KNTC1: variants seen among roughly 807,000 people sequenced by gnomAD.
KNTC1 encodes the protein kinetochore associated 1.
KNTC1 carries 253 observed loss-of-function variants against 314.4 expected under a neutral mutation model. The observed-to-expected ratio is 0.80, with a 90% CI of 0.73 to 0.89. The LOEUF is 0.89. KNTC1 is among the 40% of genes least tolerant of loss of function. The pLI is 0.00. For synonymous variants in KNTC1, 901 were observed against 901.4 expected (o/e 1.00, Z 0.01); for missense variants, 2,475 against 2,572.9 (o/e 0.96, Z 0.82).
chr12:122,564,450 G>A (rs1047691267), intron 20 of KNTC1, among the ~76,000 whole-genome samples: 2 of 151,862 alleles, frequency 1.3e-5, no homozygotes, highest in Middle Eastern at 3.4e-3. Context: ...GAGAACCCAC[G>A]CTCCATTCTA....
intron 2 of KNTC1, among the ~76,000 whole-genome samples, chr12:122,532,451 C>A (rs190738880): frequency 2.0e-5 from 3 of 152,136 alleles, no homozygotes; most frequent in East Asian, 3.9e-4. Context: ...TTGTGATCCA[C>A]CCACCTCGGC....
In KNTC1 at chr12:122,615,544, A is replaced by G; in HGVS notation, c.6030+18A>G. Reference sequence around the variant, plus strand: ...TATGGCAGGTATGTAGTTTTTTAAAATAAATTTTATTGAATTTAGTCTTTA... The same window carrying G: ...TATGGCAGGTATGTAGTTTTTTAAAGTAAATTTTATTGAATTTAGTCTTTA... On this transcript the variant is annotated intron_variant, in intron 57 of 63. Coordinates refer to ENST00000333479, the MANE Select transcript of KNTC1 (RefSeq NM_014708.6). 1 of 1,507,712 alleles carries G rather than the reference A, an allele frequency of 6.6e-7. No homozygotes were observed. The highest frequency in any genetic ancestry group is 8.9e-7 in the Non-Finnish European group (1 of 1,120,814). 93.4% of individuals were successfully genotyped at this position (1,507,712 alleles called of 1,614,324 possible). A position where few individuals can be genotyped will look rare whatever the true frequency, so the allele number is the denominator to read the frequency against.
intron 44 of KNTC1, among the ~76,000 whole-genome samples, chr12:122,598,175 A>G (rs1871318986): frequency 6.6e-6 from 1 of 152,174 alleles, no homozygotes. Context: ...TTGAATTTAT[A>G]TGAGCTAGAG....
intron 59 of KNTC1, among the ~76,000 whole-genome samples, chr12:122,619,698 C>G (rs1485975228): frequency 6.6e-6 from 1 of 152,110 alleles, no homozygotes; most frequent in Non-Finnish European, 1.5e-5. Context: ...AGGCTTCAGC[C>G]ACCGCGCCCG....
rs748143502 is a variant in KNTC1 at position 122,618,362 on chromosome 12, C to T, written c.6050C>T (p.Ala2017Val). Residue 2017 changes from alanine (A) to valine (V), a missense_variant, in exon 58 of 64, where the codon GCG becomes GTG. By Grantham distance (64) the Ala-to-Val change is moderately conservative (BLOSUM62 0). Coordinates refer to ENST00000333479, the MANE Select transcript of KNTC1 (RefSeq NM_014708.6). Reference protein sequence around the residue: ...SLWQVPYFSKAWQRVIQIPLL... With the variant: ...SLWQVPYFSKVWQRVIQIPLL... ...TCACAGGTTCCCTACTTCAGCAAAG[C>T]GTGGCAGCGTGTGATACAGATACCA... 4 of 1,613,534 alleles carry T rather than the reference C, an allele frequency of 2.5e-6. No individual in the cohort carries two copies. Among genetic ancestry groups the T allele is most frequent in the Middle Eastern group, 1.6e-4 (1 of 6,084 alleles).
intron 16 of KNTC1, among the ~76,000 whole-genome samples, chr12:122,554,076 A>ATATATATATATATATATATATAT (rs1555224817): frequency 5.5e-5 from 6 of 109,046 alleles, no homozygotes; most frequent in South Asian, 3.2e-4. Flanking sequence ...AAAAAAAAAA[A>ATATATATATATATATATATATAT]ATATATATAT....
At position 122,610,878 on chromosome 12, in the gene KNTC1, T is replaced by C. The variant is rs1346903835; in HGVS notation, c.5600T>C (p.Val1867Ala). 2 of 1,612,914 alleles carry C rather than the reference T, an allele frequency of 1.2e-6. No homozygotes were observed. Among genetic ancestry groups the C allele is most frequent in the African/African-American group, 2.7e-5 (2 of 74,932 alleles). ...GATTATAGTTCAAGAATGCTGTTTG[T>C]ATTTGCAACATCAACTACAACCGTA... ...PIDYSSRMLF[V>A]FATSTTTTLG... Residue 1867 changes from valine (V) to alanine (A), a missense_variant, in exon 53 of 64, where the codon GTA (valine) becomes GCA (alanine). Physicochemically the swap from Val to Ala is moderately conservative, Grantham distance 64. Coordinates refer to ENST00000333479, the MANE Select transcript of KNTC1 (RefSeq NM_014708.6).
chr12:122,624,887 C>G (rs1874851838), intron 63 of KNTC1, 199 bp downstream of exon 63: 1 of 544,486 alleles, frequency 1.8e-6, no homozygotes, highest in South Asian at 1.7e-5. Flanking sequence ...AGCCCTGCCA[C>G]TGGGCAGCAA....
Position 122,527,258 on chromosome 12 carries a change from C to T in KNTC1, c.-167C>T, listed in dbSNP as rs1960729950. The T allele has an allele frequency of 7.6e-6, 2 of 263,760 alleles. No individual in the cohort carries two copies. The highest frequency in any genetic ancestry group is 2.2e-5 in the African/African-American group (1 of 44,480). The allele number at this position is 263,760 out of a possible 1,614,324, so 16.3% of individuals were successfully genotyped here. A position where few individuals can be genotyped will look rare whatever the true frequency, so the allele number is the denominator to read the frequency against. On this transcript the variant is annotated 5_prime_UTR_variant, in exon 1 of 64. Transcript: ENST00000333479. ...TTAGTGTTCTCCCGCCAATTTAAGC[C>T]TGTGGCATGGAACCTAAAGACTAGA...
At chr12:122,617,437 G>T (rs1261342199) in intron 57 of KNTC1, 1 of 448,150 alleles carries the variant, frequency 2.2e-6, no homozygotes, top group East Asian at 7.2e-5. Context: ...TGCCTAGGCT[G>T]GTCTTAGAAC....
chr12:122,621,051 A>G (rs923899952), intron 60 of KNTC1, among the ~76,000 whole-genome samples: 21 of 152,158 alleles, frequency 1.4e-4, no homozygotes, highest in African/African-American at 4.8e-4. Flanking sequence ...AGTACCCATG[A>G]TAGGGTCTGG....
intron 6 of KNTC1, 118 bp from the exon 7 acceptor site, chr12:122,543,482 T>C (rs1442343392): frequency 1.3e-6 from 1 of 766,334 alleles, no homozygotes; most frequent in African/African-American, 1.8e-5. Flanking sequence ...AAAACTTAAT[T>C]CTCACCAGTG....
intron 3 of KNTC1, among the ~76,000 whole-genome samples, chr12:122,536,749 C>G (rs1961871060): frequency 6.6e-6 from 1 of 151,938 alleles, no homozygotes; most frequent in Non-Finnish European, 1.5e-5. Context: ...AATTCCTGAC[C>G]TCAAATGATC....
chr12:122,557,276 G>A, intron 16 of KNTC1, 108 bp from the exon 17 acceptor site: 1 of 1,017,520 alleles, frequency 9.8e-7, no homozygotes, highest in South Asian at 1.6e-5. Context: ...AGCGCATGAG[G>A]ATTCACCTTT....
chr12:122,571,813 G>A (rs1220527929), intron 24 of KNTC1, among the ~76,000 whole-genome samples: 1 of 151,940 alleles, frequency 6.6e-6, no homozygotes, highest in East Asian at 1.9e-4. Flanking sequence ...GGGACTACAG[G>A]CACCCCCCAC....
chr12:122,600,347 C>A (rs1871688802), intron 44 of KNTC1, among the ~76,000 whole-genome samples: 1 of 152,190 alleles, frequency 6.6e-6, no homozygotes, highest in Non-Finnish European at 1.5e-5. Context: ...GATCCACCTG[C>A]CTTAGCCTCC....
chr12:122,604,168 CTTTT>C (rs1163057379), intron 48 of KNTC1, among the ~76,000 whole-genome samples: 3 of 100,360 alleles, frequency 3.0e-5, no homozygotes, highest in Non-Finnish European at 6.0e-5. Flanking sequence ...CCCCGGTGGG[CTTTT>C]TTTTTTTTTT....
intron 37 of KNTC1, among the ~76,000 whole-genome samples, chr12:122,586,225 G>A (rs1198635697): frequency 6.6e-6 from 1 of 152,184 alleles, no homozygotes; most frequent in African/African-American, 2.4e-5. Flanking sequence ...TGGAATTACA[G>A]GCTCATGCCA....
chr12:122,613,430 A>G, intron 54 of KNTC1, 196 bp from the exon 55 acceptor site: 1 of 659,486 alleles, frequency 1.5e-6, no homozygotes, highest in Non-Finnish European at 2.5e-6. Flanking sequence ...TCTTGGAGAC[A>G]TTTAGAAACT....
Sources: allele counts gnomAD v4.1 joint callset (sites outside exome capture counted in the v4.1 genomes callset), GRCh38; gene constraint gnomAD v4.1.1; transcripts MANE v1.5; gene names NCBI Gene and HGNC (gene_info 2026-07-23, HGNC 2026-07-21).